Variants in SLC35F1 observed in about 807,000 individuals in gnomAD.
SLC35F1 encodes solute carrier family 35 member F1.
SLC35F1 carries 14 observed loss-of-function variants against 48.7 expected under a neutral mutation model. The ratio of observed to expected loss-of-function variants is 0.29; its 90% CI spans 0.19 to 0.45. The LOEUF (loss-of-function observed/expected upper bound fraction) is 0.45, where lower values mean the gene tolerates loss of function less well. Among genes scored for constraint, SLC35F1 ranks in the 20% least tolerant of loss-of-function variants. The pLI is 1.00. For synonymous variants in SLC35F1, 190 were observed against 202.2 expected (o/e 0.94, Z 0.51); for missense variants, 404 against 500.0 (o/e 0.81, Z 1.83).
intron 2 of SLC35F1, among the ~76,000 whole-genome samples, chr6:118,226,363 A>G (rs2114570449): frequency 6.6e-6 from 1 of 152,340 alleles, no homozygotes; most frequent in South Asian, 2.1e-4. Flanking sequence ...CTATTGAGTT[A>G]TGCCTAAAAG....
At chr6:117,995,785 G>A (rs370594987) in intron 1 of SLC35F1, among the ~76,000 whole-genome samples, 3 of 151,862 alleles carry the variant, frequency 2.0e-5, no homozygotes, top group African/African-American at 2.4e-5. Flanking sequence ...TTAAAAAAAG[G>A]GCAGTCATAT....
intron 1 of SLC35F1, among the ~76,000 whole-genome samples, chr6:118,000,171 C>T (rs1363780519): frequency 6.6e-6 from 1 of 152,204 alleles, no homozygotes; most frequent in Non-Finnish European, 1.5e-5. Flanking sequence ...GACCAATATC[C>T]TTGATGAACA....
intron 1 of SLC35F1, among the ~76,000 whole-genome samples, chr6:118,141,305 C>T (rs1773885965): frequency 6.6e-6 from 1 of 152,208 alleles, no homozygotes; most frequent in African/African-American, 2.4e-5. Context: ...ATACAGTATT[C>T]AGTACAGTAA....
At chr6:118,271,249 A>T (rs1775848151) in intron 4 of SLC35F1, among the ~76,000 whole-genome samples, 1 of 152,196 alleles carries the variant, frequency 6.6e-6, no homozygotes, top group South Asian at 2.1e-4. Flanking sequence ...GAAGATAAGC[A>T]ATATGTTTAA....
intron 1 of SLC35F1, among the ~76,000 whole-genome samples, chr6:117,992,944 C>A (rs1159885544): frequency 1.3e-5 from 2 of 152,184 alleles, no homozygotes; most frequent in Non-Finnish European, 2.9e-5. Flanking sequence ...CATAATGATG[C>A]CACTTATTCA....
chr6:118,037,534 A>G (rs1169644255), intron 1 of SLC35F1, among the ~76,000 whole-genome samples: 5 of 152,070 alleles, frequency 3.3e-5, no homozygotes, highest in Admixed American at 1.3e-4. Flanking sequence ...CTTTGAGTTA[A>G]TATTTTACCA....
intron 1 of SLC35F1, among the ~76,000 whole-genome samples, chr6:117,937,279 A>T (rs1464354953): frequency 6.6e-6 from 1 of 152,226 alleles, no homozygotes; most frequent in Non-Finnish European, 1.5e-5. Flanking sequence ...GTACTCATAC[A>T]CATAAGAATC....
At chr6:118,050,191 A>G (rs2114909294) in intron 1 of SLC35F1, among the ~76,000 whole-genome samples, 1 of 152,158 alleles carries the variant, frequency 6.6e-6, no homozygotes, top group East Asian at 1.9e-4. Flanking sequence ...CAGGAAGGGG[A>G]ACATCACACT....
intron 1 of SLC35F1, among the ~76,000 whole-genome samples, chr6:118,126,915 T>C: frequency 6.6e-6 from 1 of 152,192 alleles, no homozygotes; most frequent in Non-Finnish European, 1.5e-5. Flanking sequence ...TATACAATCA[T>C]GTCGTCTGCA....
At chr6:118,191,984 T>G (rs1774739090) in intron 2 of SLC35F1, among the ~76,000 whole-genome samples, 2 of 152,194 alleles carry the variant, frequency 1.3e-5, no homozygotes, top group Non-Finnish European at 2.9e-5. Context: ...CATTTTATCT[T>G]TTCCATTATG....
chr6:118,136,388 C>T (rs906418443), intron 1 of SLC35F1, among the ~76,000 whole-genome samples: 1 of 152,134 alleles, frequency 6.6e-6, no homozygotes, highest in East Asian at 1.9e-4. Flanking sequence ...TTTAAAATAC[C>T]TTCAGGTCTT....
At chr6:118,018,559 C>T (rs967964097) in intron 1 of SLC35F1, among the ~76,000 whole-genome samples, 3 of 152,032 alleles carry the variant, frequency 2.0e-5, no homozygotes, top group African/African-American at 4.8e-5. Context: ...TAGTGCCATA[C>T]TGCTTCAGAT....
At chr6:118,302,873 G>T (rs1009395705) in intron 7 of SLC35F1, among the ~76,000 whole-genome samples, 3 of 151,290 alleles carry the variant, frequency 2.0e-5, no homozygotes, top group East Asian at 1.9e-4. Flanking sequence ...AATACTTTGA[G>T]CCCAGTGCCC....
chr6:117,962,488 A>G (rs746469219), intron 1 of SLC35F1, among the ~76,000 whole-genome samples: 3 of 152,136 alleles, frequency 2.0e-5, no homozygotes, highest in Non-Finnish European at 4.4e-5. Flanking sequence ...ACACACAAAC[A>G]CACAAAAGAT....
At chr6:118,251,015 C>A (rs1424834467) in intron 3 of SLC35F1, among the ~76,000 whole-genome samples, 15 of 151,986 alleles carry the variant, frequency 9.9e-5, no homozygotes, top group Non-Finnish European at 2.2e-4. Flanking sequence ...TGGCCAGGAG[C>A]GGTGGCTCAT....
intron 1 of SLC35F1, among the ~76,000 whole-genome samples, chr6:117,959,046 A>G (rs1220155987): frequency 6.6e-6 from 1 of 152,144 alleles, no homozygotes; most frequent in Non-Finnish European, 1.5e-5. Context: ...TTAGATTCCA[A>G]CTTCCACGTG....
chr6:117,912,387 A>G (rs1000373007), intron 1 of SLC35F1, among the ~76,000 whole-genome samples: 1 of 152,262 alleles, frequency 6.6e-6, no homozygotes, highest in Non-Finnish European at 1.5e-5. Flanking sequence ...ATATGTGTAC[A>G]TAGCCTTTCT....
At chr6:117,980,857 G>T (rs1278392659) in intron 1 of SLC35F1, among the ~76,000 whole-genome samples, 1 of 152,190 alleles carries the variant, frequency 6.6e-6, no homozygotes, top group Non-Finnish European at 1.5e-5. Context: ...AGCATTTAAG[G>T]TAGTGGGAGG....
intron 1 of SLC35F1, among the ~76,000 whole-genome samples, chr6:117,974,990 A>G (rs543030897): frequency 6.6e-6 from 1 of 152,352 alleles, no homozygotes; most frequent in East Asian, 1.9e-4. Context: ...TGATTATGAA[A>G]GTAGTTTTGA....
Sources: allele counts gnomAD v4.1 joint callset (sites outside exome capture counted in the v4.1 genomes callset), GRCh38; gene constraint gnomAD v4.1.1; transcripts MANE v1.5; gene names NCBI Gene and HGNC (gene_info 2026-07-23, HGNC 2026-07-21).